Variants in TUBA1C observed in about 807,000 individuals in gnomAD.
TUBA1C encodes the protein tubulin alpha 1c, also known as tubulin alpha-1C chain.
In TUBA1C, 16 loss-of-function variants were observed where a neutral mutation model predicts 34.9. The ratio of observed to expected loss-of-function variants is 0.46; its 90% confidence interval spans 0.31 to 0.70. TUBA1C has a LOEUF of 0.70. TUBA1C is among the 30% of genes least tolerant of loss of function. TUBA1C has a pLI of 0.05. For missense variants in TUBA1C, 329 were observed against 587.3 expected, an observed-to-expected ratio of 0.56 and a Z score of 4.55; for synonymous variants, 177 against 215.9, an observed-to-expected ratio of 0.82 and a Z score of 1.58.
chr12:49,255,781 G>A (rs533448025), intron 1 of TUBA1C, among the ~76,000 whole-genome samples: 1 of 152,254 alleles, frequency 6.6e-6, no homozygotes, highest in African/African-American at 2.4e-5. Context: ...GGCCAGGCTG[G>A]TCTGGAACTC....
At chr12:49,233,910 T>G (rs1013747456) in intron 1 of TUBA1C, 3 of 152,312 alleles carry the variant, frequency 2.0e-5, no homozygotes, top group Admixed American at 6.5e-5. Flanking sequence ...TGGCATCATC[T>G]TGCGGGTTGC....
At chr12:49,268,862 G>C (rs1942950822) in intron 1 of TUBA1C, among the ~76,000 whole-genome samples, 2 of 152,170 alleles carry the variant, frequency 1.3e-5, no homozygotes, top group Non-Finnish European at 2.9e-5. Flanking sequence ...ATCATTCAGA[G>C]AATGAATCAG....
chr12:49,237,037 A>G (rs931650948), intron 1 of TUBA1C, among the ~76,000 whole-genome samples: 11 of 152,204 alleles, frequency 7.2e-5, no homozygotes, highest in Admixed American at 2.0e-4. Flanking sequence ...TGATTCTACC[A>G]TGATACTGAT....
upstream of TUBA1C, among the ~76,000 whole-genome samples, chr12:49,260,577 T>A (rs1942831640): frequency 6.6e-6 from 1 of 152,098 alleles, no homozygotes; most frequent in African/African-American, 2.4e-5. Context: ...ACTGCAAACA[T>A]TTGTGGGATA....
At chr12:49,239,637 T>G (rs1173031969) in intron 1 of TUBA1C, among the ~76,000 whole-genome samples, 1 of 147,830 alleles carries the variant, frequency 6.8e-6, no homozygotes, top group Non-Finnish European at 1.5e-5. Context: ...TAAGACTCTG[T>G]CTCAAAAAGA....
intron 1 of TUBA1C, among the ~76,000 whole-genome samples, chr12:49,258,984 C>A (rs887755200): frequency 1.3e-5 from 2 of 152,010 alleles, no homozygotes; most frequent in African/African-American, 4.8e-5. Context: ...GTCTCGAACT[C>A]CTGACCTCAG....
chr12:49,230,655 A>C (rs1387483540), intron 1 of TUBA1C, among the ~76,000 whole-genome samples: 1 of 152,166 alleles, frequency 6.6e-6, no homozygotes, highest in Non-Finnish European at 1.5e-5. Flanking sequence ...TCTCCCTCTC[A>C]AATCATGTAT....
chr12:49,249,885 G>T (rs115180673), intron 1 of TUBA1C, among the ~76,000 whole-genome samples: 2,328 of 151,374 alleles, frequency 0.015, 53 homozygotes, highest in African/African-American at 0.053. Context: ...ATAATAATAA[G>T]ATTAGCCAAG....
upstream of TUBA1C, among the ~76,000 whole-genome samples, chr12:49,264,164 G>T (rs918499395): frequency 1.4e-4 from 21 of 150,444 alleles, no homozygotes; most frequent in Non-Finnish European, 2.5e-4. Context: ...AGGTTGCAGT[G>T]AGCTGAGATC....
In TUBA1C at chr12:49,273,226, A is replaced by T; in HGVS notation, c.1349A>T (p.Ter450LeuextTer25). Residue 450 changes from the stop codon to leucine, a stop_lost, in exon 4 of 4, where the codon TAA becomes TTA. Coordinates refer to ENST00000301072, the MANE Select transcript of TUBA1C (RefSeq NM_032704.5). ...ADGEDEGEEY[*>L] Reference sequence around the variant, plus strand: ...GGAGAGGATGAGGGTGAAGAGTATTAACCTGTGTGCTGTACTTTTACACTC... The same window carrying T: ...GGAGAGGATGAGGGTGAAGAGTATTTACCTGTGTGCTGTACTTTTACACTC... 6.2e-7 allele frequency: 1 copy of T among 1,614,204 alleles called. No homozygotes were observed. The highest frequency in any genetic ancestry group is 1.3e-5 in the African/African-American group (1 of 75,044).
rs1418702263 is a variant in TUBA1C, at chr12:49,255,400, T to TAAAA, written c.214-14062_214-14059dup. On this transcript the variant is annotated intron_variant, in intron 1 of 3. Transcript: ENST00000541364. ...TTTCCCCAGCAGCTGAACTTATCTT[T>TAAAA]AAAAAATATATATATATATATATAT... Among the ~76,000 whole-genome samples, 581 of 142,434 alleles carry TAAAA rather than the reference T, an allele frequency of 4.1e-3. 2 individuals carry two copies. The highest frequency in any genetic ancestry group is 6.2e-3 in the Non-Finnish European group (403 of 65,402). 93.4% of individuals were successfully genotyped at this position (142,434 alleles called of 152,430 possible). A position where few individuals can be genotyped will look rare whatever the true frequency, so the allele number is the denominator to read the frequency against.
chr12:49,263,189 T>C (rs11168943), upstream of TUBA1C, among the ~76,000 whole-genome samples: 39,357 of 151,844 alleles, frequency 0.26, 5,849 homozygotes, highest in East Asian at 0.7. Flanking sequence ...CTCGACTAAT[T>C]TTCACATTTT....
intron 3 of TUBA1C, among the ~76,000 whole-genome samples, chr12:49,271,000 AAAC>A (rs781419425): frequency 0.018 from 2,702 of 152,168 alleles, 38 homozygotes; most frequent in Middle Eastern, 0.065. Context: ...CAAACAAAAA[AAAC>A]CCTAAGCTTT....
chr12:49,262,975 A>C (rs1402843228), upstream of TUBA1C, among the ~76,000 whole-genome samples: 2 of 151,840 alleles, frequency 1.3e-5, no homozygotes, highest in Non-Finnish European at 2.9e-5. Context: ...GCAAATCTAA[A>C]TATGGATCCC....
chr12:49,273,379 T>G lies in TUBA1C; in HGVS notation c.*152T>G. The G allele has an allele frequency of 6.9e-7, 1 of 1,440,510 alleles. No individual in the cohort carries two copies. The highest frequency in any genetic ancestry group is 9.4e-7 in the Non-Finnish European group (1 of 1,059,796). The allele number at this position is 1,440,510 out of a possible 1,614,324, so 89.2% of individuals were successfully genotyped here. ...CTTGATCCAGTTAAAGTTGGATGTATGAGGCTGGTAGATGAAACCACCTGA... is the reference window on the plus strand; with the variant it reads ...CTTGATCCAGTTAAAGTTGGATGTAGGAGGCTGGTAGATGAAACCACCTGA... On this transcript the variant is annotated 3_prime_UTR_variant, in exon 4 of 4. Transcript: ENST00000301072.
intron 1 of TUBA1C, among the ~76,000 whole-genome samples, chr12:49,231,004 G>A (rs1456901751): frequency 6.6e-6 from 1 of 152,188 alleles, no homozygotes; most frequent in East Asian, 1.9e-4. Flanking sequence ...TGGTATACAG[G>A]AAGGTCAGCT....
intron 1 of TUBA1C, among the ~76,000 whole-genome samples, chr12:49,235,132 T>A (rs1038996893): frequency 4.1e-5 from 6 of 147,542 alleles, no homozygotes; most frequent in East Asian, 2.0e-4. Context: ...AAAAAAAAAA[T>A]TAATTTGGGA....
At chr12:49,271,963 C>T (rs950777810) in intron 3 of TUBA1C, among the ~76,000 whole-genome samples, 4 of 150,082 alleles carry the variant, frequency 2.7e-5, no homozygotes, top group African/African-American at 5.0e-5. Context: ...TCACTTAGCA[C>T]TTAAAAGCTT....
upstream of TUBA1C, among the ~76,000 whole-genome samples, chr12:49,262,712 G>GGA (rs1369744816): frequency 2.0e-5 from 3 of 152,070 alleles, no homozygotes; most frequent in East Asian, 5.8e-4. Context: ...CCTGGGAGGT[G>GGA]GAGGTTGCAG....
Sources: allele counts gnomAD v4.1 joint callset (sites outside exome capture counted in the v4.1 genomes callset), GRCh38; gene constraint gnomAD v4.1.1; transcripts MANE v1.5; gene names NCBI Gene and HGNC (gene_info 2026-07-23, HGNC 2026-07-21).